Variants in TENM2 observed in about 807,000 individuals in gnomAD.
The protein encoded by TENM2 is teneurin transmembrane protein 2.
In TENM2, 52 loss-of-function variants were observed where a neutral mutation model predicts 245.2. The ratio of observed to expected loss-of-function variants is 0.21; its 90% CI spans 0.17 to 0.27. The LOEUF is 0.27. TENM2 is among the 10% of genes least tolerant of loss of function. The pLI, the probability that TENM2 is intolerant of heterozygous loss-of-function variation, is 1.00. For missense variants in TENM2, 3,046 were observed against 3,666.8 expected (o/e 0.83, Z 4.37); for synonymous variants, 1,363 against 1,438.9 (o/e 0.95, Z 1.19).
chr5:167,014,690 C>G, the TENM2 span, among the ~76,000 whole-genome samples: 1 of 152,132 alleles, frequency 6.6e-6, no homozygotes, highest in Non-Finnish European at 1.5e-5. Flanking sequence ...CCTGACCAAG[C>G]AATAAAGGGA....
exon 19 of TENM2, chr5:168,204,517 A>T: frequency 1.2e-6 from 2 of 1,614,018 alleles, no homozygotes; most frequent in Non-Finnish European, 1.7e-6. Flanking sequence ...TGCTGGCCCC[A>T]GTGGCTCTGG....
rs57371578 is a variant in TENM2, at chr5:168,259,924, A to G, written c.7433-359A>G. Among the ~76,000 whole-genome samples, 515 of 152,330 alleles carry G rather than the reference A, an allele frequency of 3.4e-3. 3 individuals are homozygous for G. The highest frequency in any genetic ancestry group is 0.012 in the African/African-American group (492 of 41,576). On this transcript the variant is annotated intron_variant, in intron 27 of 28. Transcript: ENST00000518659. ...CTCCTTTGATCCTCATAACAACCCAATGAGACCGACACAATTATTATCCCA... is the reference window on the plus strand; with the variant it reads ...CTCCTTTGATCCTCATAACAACCCAGTGAGACCGACACAATTATTATCCCA...
chr5:167,279,562 C>CTTCCTTCT, the TENM2 span, among the ~76,000 whole-genome samples: 1 of 119,700 alleles, frequency 8.4e-6, no homozygotes, highest in Non-Finnish European at 1.7e-5. Context: ...TCCTTCCTTC[C>CTTCCTTCT]TTCCTTCTTT....
chr5:167,971,256 G>A (rs1253307773), intron 4 of TENM2, among the ~76,000 whole-genome samples: 2 of 118,496 alleles, frequency 1.7e-5, no homozygotes, highest in Non-Finnish European at 3.4e-5. Flanking sequence ...GAGGCAGAGA[G>A]AGAGAGAGAA....
At chr5:167,921,908 C>G (rs1777401605) in intron 3 of TENM2, among the ~76,000 whole-genome samples, 1 of 152,154 alleles carries the variant, frequency 6.6e-6, no homozygotes. Context: ...GATTATAGAA[C>G]TTTCTCTGGC....
rs1007225406 is a variant in TENM2, at chr5:167,706,747, G to A, written c.503-169239G>A. Among the ~76,000 whole-genome samples the A allele has an allele frequency of 3.3e-5, 5 of 151,764 alleles. No individual in the cohort carries two copies. In the East Asian group the frequency reaches 9.8e-4, roughly 30 times the overall value. On this transcript the variant is annotated intron_variant, in intron 2 of 28. Coordinates refer to ENST00000518659, the Ensembl canonical transcript of TENM2. Reference sequence around the variant, plus strand: ...AAGGGTTGCCCGGCCGGGCGCGGTGGCTCACGCCTGTAATCCCAGCACTTT... The same window carrying A: ...AAGGGTTGCCCGGCCGGGCGCGGTGACTCACGCCTGTAATCCCAGCACTTT...
chr5:167,864,213 CA>C (rs1202468405), intron 2 of TENM2, among the ~76,000 whole-genome samples: 3 of 152,144 alleles, frequency 2.0e-5, no homozygotes, highest in Non-Finnish European at 2.9e-5. Flanking sequence ...CACAGATTTA[CA>C]GTTGAGAACT....
chr5:167,313,705 G>A (rs1208662613), intron 1 of TENM2, among the ~76,000 whole-genome samples: 1 of 152,092 alleles, frequency 6.6e-6, no homozygotes, highest in Non-Finnish European at 1.5e-5. Context: ...ATAAATGATT[G>A]CCCTTCTCCC....
the TENM2 span, among the ~76,000 whole-genome samples, chr5:167,002,008 TATTATTCACCATA>T: frequency 6.6e-6 from 1 of 152,216 alleles, no homozygotes; most frequent in Non-Finnish European, 1.5e-5. Context: ...AAATTGATTC[TATTATTCACCATA>T]ATATTTTACC....
intron 2 of TENM2, among the ~76,000 whole-genome samples, chr5:167,804,510 C>G (rs988540176): frequency 6.6e-6 from 1 of 152,120 alleles, no homozygotes; most frequent in African/African-American, 2.4e-5. Context: ...ATAATCTCTG[C>G]TCTTTGTTGA....
chr5:167,177,879 C>T, the TENM2 span, among the ~76,000 whole-genome samples: 39 of 152,160 alleles, frequency 2.6e-4, no homozygotes, highest in Non-Finnish European at 4.3e-4. Flanking sequence ...TTAGAAAAGA[C>T]GAACTGCAGC....
At chr5:167,147,586 G>T in the TENM2 span, among the ~76,000 whole-genome samples, 1 of 152,066 alleles carries the variant, frequency 6.6e-6, no homozygotes, top group African/African-American at 2.4e-5. Flanking sequence ...TATTTCATAT[G>T]TTCACACCTA....
chr5:167,181,181 GTCA>G, the TENM2 span, among the ~76,000 whole-genome samples: 1 of 152,062 alleles, frequency 6.6e-6, no homozygotes, highest in Non-Finnish European at 1.5e-5. Flanking sequence ...CGGCACAGCA[GTCA>G]TGGTATTTTA....
chr5:167,484,011 A>G (rs1234900080), intron 2 of TENM2, among the ~76,000 whole-genome samples: 1 of 152,144 alleles, frequency 6.6e-6, no homozygotes, highest in Non-Finnish European at 1.5e-5. Flanking sequence ...ATACATGTAC[A>G]TATATGTATG....
intron 3 of TENM2, among the ~76,000 whole-genome samples, chr5:167,879,951 C>G (rs1483284602): frequency 6.6e-6 from 1 of 152,192 alleles, no homozygotes; most frequent in African/African-American, 2.4e-5. Context: ...AGTTGCCTGT[C>G]TAATTTATCT....
At chr5:168,079,287 T>G (rs1791762515) in intron 7 of TENM2, among the ~76,000 whole-genome samples, 1 of 152,116 alleles carries the variant, frequency 6.6e-6, no homozygotes, top group African/African-American at 2.4e-5. Context: ...TTTTGTATCC[T>G]GAGACTTTGC....
chr5:167,732,185 G>T (rs990033539), intron 2 of TENM2, among the ~76,000 whole-genome samples: 2 of 152,166 alleles, frequency 1.3e-5, no homozygotes, highest in African/African-American at 2.4e-5. Context: ...TTTGTAGTTA[G>T]TTTTCCATCC....
the TENM2 span, among the ~76,000 whole-genome samples, chr5:167,038,319 A>C: frequency 6.6e-6 from 1 of 152,146 alleles, no homozygotes; most frequent in African/African-American, 2.4e-5. Flanking sequence ...TCCTTGCTGC[A>C]ATCCTGGAAG....
intron 25 of TENM2, among the ~76,000 whole-genome samples, chr5:168,231,827 A>G (rs1764949705): frequency 1.3e-5 from 2 of 152,028 alleles, no homozygotes; most frequent in Non-Finnish European, 2.9e-5. Context: ...CTGGCACAGT[A>G]GCTCATGCCT....
Sources: allele counts gnomAD v4.1 joint callset (sites outside exome capture counted in the v4.1 genomes callset), GRCh38; gene constraint gnomAD v4.1.1; transcripts MANE v1.5; gene names NCBI Gene and HGNC (gene_info 2026-07-23, HGNC 2026-07-21).